The following UNC79 variants were observed in gnomAD, a reference collection of about 807,000 sequenced individuals.
UNC79 encodes the protein unc-79 subunit of NALCN channel complex, also known as protein unc-79 homolog.
UNC79 carries 37 observed loss-of-function variants against 283.1 expected under a neutral mutation model. The ratio of observed to expected loss-of-function variants is 0.13; its 90% CI spans 0.10 to 0.17. The LOEUF (loss-of-function observed/expected upper bound fraction) is 0.17, where lower values mean the gene tolerates loss of function less well. Ranked by LOEUF, UNC79 falls within the 10% of genes least tolerant of loss-of-function variation. The probability of loss-of-function intolerance (pLI) is 1.00; values close to 1 mark genes in which losing one functional copy is unlikely to be tolerated. For missense variants in UNC79, 2,272 were observed against 3,211.1 expected (o/e 0.71, Z 7.07); for synonymous variants, 1,107 against 1,200.2 (o/e 0.92, Z 1.61).
At chr14:93,642,859 T>C (rs769434480) in intron 33 of UNC79, among the ~76,000 whole-genome samples, 1 of 152,254 alleles carries the variant, frequency 6.6e-6, no homozygotes, top group Non-Finnish European at 1.5e-5. Flanking sequence ...CTTCCTTTTA[T>C]AAAACTGCTC....
At chr14:93,624,313 A>T (rs1044020143) in intron 30 of UNC79, among the ~76,000 whole-genome samples, 2 of 152,212 alleles carry the variant, frequency 1.3e-5, no homozygotes, top group African/African-American at 4.8e-5. Flanking sequence ...CCAGGCAGGG[A>T]AAAAACGGTC....
chr14:93,605,148 A>G (rs1369429871), intron 26 of UNC79, among the ~76,000 whole-genome samples, 187 bp downstream of exon 27: 1 of 152,164 alleles, frequency 6.6e-6, no homozygotes, highest in Non-Finnish European at 1.5e-5. Flanking sequence ...TGATATTAAC[A>G]GATGACTTTT....
At chr14:93,667,059 G>A (rs1262797976) in intron 40 of UNC79, among the ~76,000 whole-genome samples, 1 of 151,824 alleles carries the variant, frequency 6.6e-6, no homozygotes, top group Non-Finnish European at 1.5e-5. Flanking sequence ...AGCTATGATT[G>A]CACCAACTGC....
At chr14:93,471,615 A>G (rs2057514688) in intron 2 of UNC79, among the ~76,000 whole-genome samples, 1 of 152,140 alleles carries the variant, frequency 6.6e-6, no homozygotes, top group Non-Finnish European at 1.5e-5. Context: ...AAAACATCAT[A>G]AAATCACAAT....
intron 40 of UNC79, among the ~76,000 whole-genome samples, chr14:93,666,800 A>C (rs1426719173): frequency 6.6e-6 from 1 of 152,226 alleles, no homozygotes; most frequent in Non-Finnish European, 1.5e-5. Context: ...AGATTTAAAA[A>C]TGTGGAAGAT....
chr14:93,404,493 A>AAAAAAAAAAAATATATATATATAT lies in UNC79; in HGVS notation c.-350-63177_-350-63176insAAAAAAAAAATATATATATATATA. Among the ~76,000 whole-genome samples the AAAAAAAAAAAATATATATATATAT allele has an allele frequency of 2.4e-4, 15 of 61,488 alleles. 1 individual carries two copies. Among genetic ancestry groups the AAAAAAAAAAAATATATATATATAT allele is most frequent in the African/African-American group, 4.0e-4 (6 of 14,996 alleles). The allele number at this position is 61,488 out of a possible 152,430, so 40.3% of individuals were successfully genotyped here. A position where few individuals can be genotyped will look rare whatever the true frequency, so the allele number is the denominator to read the frequency against. On this transcript the variant is annotated intron_variant, in intron 1 of 49. Coordinates refer to the UNC79 transcript ENST00000256339. ...TGACAGAGTGAGACCTTCTAAAAAA[A>AAAAAAAAAAAATATATATATATAT]ATATATATATATATATATATAAATA...
At chr14:93,381,755 T>C (rs982491931) in intron 1 of UNC79, among the ~76,000 whole-genome samples, 2 of 152,228 alleles carry the variant, frequency 1.3e-5, no homozygotes, top group Non-Finnish European at 2.9e-5. Flanking sequence ...TGCTGGTGTA[T>C]GAACTTCAAA....
intron 26 of UNC79, among the ~76,000 whole-genome samples, chr14:93,609,928 A>T (rs2066176871): frequency 6.6e-6 from 1 of 152,210 alleles, no homozygotes; most frequent in Non-Finnish European, 1.5e-5. Context: ...TTTTTTATGC[A>T]AAAGTTTCCA....
intron 45 of UNC79, chr14:93,691,508 A>G: frequency 1.7e-6 from 1 of 577,506 alleles, no homozygotes; most frequent in Non-Finnish European, 3.1e-6. Context: ...TTCTTCAGCA[A>G]ATTAAGGTGC....
chr14:93,546,889 A>G (rs2061626780), intron 14 of UNC79, among the ~76,000 whole-genome samples: 1 of 152,194 alleles, frequency 6.6e-6, no homozygotes, highest in Non-Finnish European at 1.5e-5. Context: ...TACCTGTCAT[A>G]GTCCTTTCCA....
chr14:93,542,063 G>GGTATCT (rs2061408586), intron 13 of UNC79, among the ~76,000 whole-genome samples: 1 of 149,320 alleles, frequency 6.7e-6, no homozygotes, highest in Admixed American at 6.7e-5. Flanking sequence ...GGGACTCCAA[G>GGTATCT]GTATCTGAAT....
At position 93,383,917 on chromosome 14, in the gene UNC79, G is replaced by T. The variant is rs111291152; in HGVS notation, c.-351+50394G>T. On this transcript the variant is annotated intron_variant, in intron 1 of 49. Coordinates refer to the UNC79 transcript ENST00000256339. Reference sequence around the variant, plus strand: ...ACATGAGTTTCCCTGCACAAACTCTGTCTGCCACCATCCATGTAAGATGTG... The same window carrying T: ...ACATGAGTTTCCCTGCACAAACTCTTTCTGCCACCATCCATGTAAGATGTG... Among the ~76,000 whole-genome samples, 43 of 130,410 alleles carry T rather than the reference G, an allele frequency of 3.3e-4. No homozygotes were observed. The East Asian group carries it at 8.9e-3, about 27-fold the overall frequency. 85.6% of individuals were successfully genotyped at this position (130,410 alleles called of 152,430 possible). A position where few individuals can be genotyped will look rare whatever the true frequency, so the allele number is the denominator to read the frequency against.
Position 93,690,358 on chromosome 14 carries a change from C to T in UNC79, c.7272+55C>T, listed in dbSNP as rs1595091417. ...ATGCATCGCAATTGCTAATGGAAACCTTATCAGCCAATTATGTTTCTTCTG... is the reference window on the plus strand; with the variant it reads ...ATGCATCGCAATTGCTAATGGAAACTTTATCAGCCAATTATGTTTCTTCTG... On this transcript the variant is annotated intron_variant, in intron 45 of 48. Coordinates refer to ENST00000555664, the Ensembl canonical transcript of UNC79. This position sits in a 1 kb window ranked among gnomAD's most constrained non-coding sequence, Gnocchi z 4.3. The T allele has an allele frequency of 6.5e-7, 1 of 1,545,768 alleles. No individual in the cohort carries two copies. Among genetic ancestry groups the T allele is most frequent in the Non-Finnish European group, 8.8e-7 (1 of 1,138,514 alleles).
rs566090448 is a variant in UNC79 at position 93,590,073 on chromosome 14, G to T, written c.3032+3165G>T. ...CTATAGCTGCCTCACTCCAATCTTTGCCACATGGTCTTCTTCCCTGTGTGT... is the reference window on the plus strand; with the variant it reads ...CTATAGCTGCCTCACTCCAATCTTTTCCACATGGTCTTCTTCCCTGTGTGT... On this transcript the variant is annotated intron_variant, in intron 22 of 48. Coordinates refer to ENST00000555664, the Ensembl canonical transcript of UNC79. 2.3e-3 allele frequency among the ~76,000 whole-genome samples: 351 copies of T among 152,224 alleles called. 3 individuals carry two copies. The highest frequency in any genetic ancestry group is 8.1e-3 in the African/African-American group (337 of 41,542).
At chr14:93,402,152 C>T (rs2055120982) in intron 1 of UNC79, among the ~76,000 whole-genome samples, 1 of 151,764 alleles carries the variant, frequency 6.6e-6, no homozygotes, top group Non-Finnish European at 1.5e-5. Flanking sequence ...GTAGTGGATG[C>T]CTGTATCCCA....
chr14:93,462,507 CT>C (rs1181929206), intron 1 of UNC79, among the ~76,000 whole-genome samples: 1 of 152,110 alleles, frequency 6.6e-6, no homozygotes, highest in African/African-American at 2.4e-5. Flanking sequence ...TTAAAAAGAT[CT>C]GTTTGGCTGC....
At chr14:93,564,458 T>A (rs1017019834) in intron 14 of UNC79, among the ~76,000 whole-genome samples, 7 of 151,974 alleles carry the variant, frequency 4.6e-5, no homozygotes, top group Non-Finnish European at 8.8e-5. Flanking sequence ...GAGAAGAAAT[T>A]TGAGCTTTGG....
At chr14:93,350,421 A>G (rs1418886732) in intron 1 of UNC79, among the ~76,000 whole-genome samples, 1 of 152,154 alleles carries the variant, frequency 6.6e-6, no homozygotes, top group Non-Finnish European at 1.5e-5. Flanking sequence ...TTAAAGTAAA[A>G]TAACTGGTTA....
chr14:93,464,049 T>C (rs2057060847), intron 1 of UNC79, among the ~76,000 whole-genome samples: 1 of 152,056 alleles, frequency 6.6e-6, no homozygotes, highest in Non-Finnish European at 1.5e-5. Context: ...CTTGGGAGGC[T>C]GAGGCAGGAG....
Sources: allele counts gnomAD v4.1 joint callset (sites outside exome capture counted in the v4.1 genomes callset), GRCh38; gene constraint gnomAD v4.1.1; non-coding constraint Gnocchi (gnomAD v3.1); transcripts MANE v1.5; gene names NCBI Gene and HGNC (gene_info 2026-07-23, HGNC 2026-07-21).